Variants in NBPF9 observed in about 807,000 individuals in gnomAD.
NBPF9 encodes the protein NBPF member 9.
A neutral mutation model predicts 97.8 loss-of-function variants in NBPF9; 91 were observed. The ratio of observed to expected loss-of-function variants is 0.93; its 90% CI spans 0.79 to 1.11. The LOEUF (loss-of-function observed/expected upper bound fraction) is 1.11. Among genes scored for constraint, NBPF9 ranks in the 50% least tolerant of loss-of-function variants. NBPF9 has a pLI of 0.00. For missense variants in NBPF9, 992 were observed against 939.5 expected (o/e 1.06, Z -0.73); for synonymous variants, 334 against 359.5 (o/e 0.93, Z 0.80).
chr1:149,063,752 A>T (rs1364877802), exon 20 of NBPF9: 7 of 607,362 alleles, frequency 1.2e-5, no homozygotes, highest in East Asian at 5.7e-5. Context: ...ACATCTATCC[A>T]GTGAGTCCTG....
chr1:149,059,960 T>C, intron 24 of NBPF9, 152 bp from the exon 25 acceptor site: 2 of 422,998 alleles, frequency 4.7e-6, no homozygotes, highest in South Asian at 2.8e-5. Flanking sequence ...TGAAGGCTGG[T>C]TATGATAGAA....
In NBPF9 at chr1:149,071,321, G is replaced by T. The variant is rs587694136; in HGVS notation, c.1380-182C>A. Among the ~76,000 whole-genome samples, 6 of 151,768 alleles carry T rather than the reference G, an allele frequency of 4.0e-5. No individual in the cohort carries two copies. In the South Asian group the frequency reaches 1.3e-3, roughly 32 times the overall value. On this transcript the variant is annotated intron_variant, in intron 15 of 29. Transcript: ENST00000584027. ...TCTGCAACAGACCATGGCTGCCATG[G>T]GAACCAGAGAGGAAGAGAGCAGCTG...
intron 12 of NBPF9, among the ~76,000 whole-genome samples, chr1:149,075,286 CACTAGTCTCAG>C (rs2079759783): frequency 6.6e-6 from 1 of 152,264 alleles, no homozygotes; most frequent in African/African-American, 2.4e-5. Flanking sequence ...AATAAAAGTT[CACTAGTCTCAG>C]ACATTTAGAA....
chr1:149,075,026 G>A (rs587631017), intron 12 of NBPF9, among the ~76,000 whole-genome samples: 1 of 151,198 alleles, frequency 6.6e-6, no homozygotes, highest in Admixed American at 6.6e-5. Flanking sequence ...TGCCCAGGCT[G>A]GTCTCAAACT....
At chr1:149,089,603 T>C (rs1450387037) in intron 5 of NBPF9, among the ~76,000 whole-genome samples, 9 of 152,414 alleles carry the variant, frequency 5.9e-5, no homozygotes, top group Admixed American at 4.6e-4. Flanking sequence ...GGGGATGTTA[T>C]GGGGAAACAA....
chr1:149,077,778 A>T lies in NBPF9; in HGVS notation c.566+105T>A. Reference sequence around the variant, plus strand: ...GGTTCAATTTCACATACTGTGGCCAAGGGGATGCGGGCTTTTGGCCCACCA... The same window carrying T: ...GGTTCAATTTCACATACTGTGGCCATGGGGATGCGGGCTTTTGGCCCACCA... On this transcript the variant is annotated intron_variant, in intron 10 of 29. Transcript: ENST00000584027. The T allele has an allele frequency of 3.3e-6, 5 of 1,510,738 alleles. No individual in the cohort carries two copies. In the East Asian group the frequency reaches 1.1e-4, roughly 34 times the overall value. 93.6% of individuals were successfully genotyped at this position (1,510,738 alleles called of 1,614,324 possible). A position where few individuals can be genotyped will look rare whatever the true frequency, so the allele number is the denominator to read the frequency against.
chr1:149,064,798 G>T lies in NBPF9; in HGVS notation c.1802-316C>A, dbSNP rs2078923585. 3 of 579,072 alleles carry T rather than the reference G, an allele frequency of 5.2e-6. 1 individual carries two copies. The South Asian group carries it at 6.3e-5, about 12-fold the overall frequency. The allele number at this position is 579,072 out of a possible 1,614,324, so 35.9% of individuals were successfully genotyped here. A position where few individuals can be genotyped will look rare whatever the true frequency, so the allele number is the denominator to read the frequency against. ...CAAATAGTTCTAACACCTCATAGGA[G>T]AGATACTTCAATATTAAGCTTTCTC... On this transcript the variant is annotated intron_variant, in intron 18 of 29. Coordinates refer to ENST00000584027, the Ensembl canonical transcript of NBPF9.
chr1:149,072,690 G>C (rs1344429364), intron 14 of NBPF9, 28 bp downstream of exon 14: 6 of 1,611,162 alleles, frequency 3.7e-6, no homozygotes, highest in South Asian at 2.2e-5. Context: ...CTGGGGTTTT[G>C]GGTCAACAGG....
chr1:149,076,888 C>A (rs2079921439), intron 11 of NBPF9, among the ~76,000 whole-genome samples: 1 of 151,614 alleles, frequency 6.6e-6, no homozygotes, highest in South Asian at 2.1e-4. Context: ...GTGGGAGGAT[C>A]ATCTCAGCCC....
At chr1:149,062,827 C>T (rs1575825783) in intron 21 of NBPF9, 35 bp downstream of exon 21, 2 of 673,692 alleles carry the variant, frequency 3.0e-6, no homozygotes, top group Non-Finnish European at 5.3e-6. Flanking sequence ...CAGGTGTCAA[C>T]ACAGAATTAA....
At chr1:149,055,853 C>A (rs1383006725) in exon 30 of NBPF9, 1 of 1,606,642 alleles carries the variant, frequency 6.2e-7, no homozygotes, top group African/African-American at 1.3e-5. Context: ...TCCAGTGAGT[C>A]CTGCAAGACT....
At chr1:149,068,003 A>C (rs7547917) in intron 17 of NBPF9, among the ~76,000 whole-genome samples, 8 of 145,956 alleles carry the variant, frequency 5.5e-5, no homozygotes, top group Admixed American at 2.0e-4. Flanking sequence ...ATTTTCAACC[A>C]AGAATTTCAT....
At chr1:149,064,182 C>G (rs1378595436) in intron 19 of NBPF9, among the ~76,000 whole-genome samples, 2 of 139,324 alleles carry the variant, frequency 1.4e-5, no homozygotes, top group African/African-American at 5.7e-5. Context: ...CTCAAGTTTC[C>G]CTGCAGTTAC....
Position 149,075,809 on chromosome 1 carries a change from AG to A in NBPF9, c.833del (p.Pro278LeufsTer9). ...TCATCTCTGCCTTCTCGCTGGACAA[AG>A]GGCCGGCTGATACCACCATGCTGAC... On this transcript the variant is annotated frameshift_variant, in exon 12 of 30. Transcript: ENST00000584027. LOFTEE classifies it high-confidence loss of function. 1 of 1,566,012 alleles carries A rather than the reference AG, an allele frequency of 6.4e-7. No individual in the cohort carries two copies. Among genetic ancestry groups the A allele is most frequent in the Non-Finnish European group, 8.8e-7 (1 of 1,138,354 alleles).
chr1:149,079,674 T>G (rs1336406251), intron 8 of NBPF9, among the ~76,000 whole-genome samples: 1 of 151,064 alleles, frequency 6.6e-6, no homozygotes, highest in Non-Finnish European at 1.5e-5. Flanking sequence ...GCAACATTGA[T>G]TGAGTGAAAG....
At chr1:149,055,925 A>G (rs1477256608) in intron 29 of NBPF9, 26 bp from the exon 30 acceptor site, 3 of 1,611,760 alleles carry the variant, frequency 1.9e-6, no homozygotes, top group Admixed American at 1.7e-5. Flanking sequence ...AAACTAAAGA[A>G]GCAGCCAGGG....
rs2079527481 is a variant in NBPF9, at chr1:149,072,846, G to T, written c.1178C>A (p.Ser393Ter). The change falls in exon 14 of 30, where the codon TCA becomes TAA. Residue 393 changes from serine (S) to a stop codon, truncating the protein, a stop_gained. Transcript: ENST00000584027. LOFTEE classifies it high-confidence loss of function. ...GAGGGCCTGGAGATGCTCATTCAAT[G>T]AGCGGGAGGCATCTCTCCCTTCCCG... The T allele has an allele frequency of 8.1e-6, 13 of 1,603,640 alleles. 2 individuals carry two copies. The African/African-American group carries it at 1.6e-4, about 20-fold the overall frequency.
chr1:149,072,159 T>A (rs1553653076), intron 14 of NBPF9, among the ~76,000 whole-genome samples: 1 of 151,018 alleles, frequency 6.6e-6, no homozygotes, highest in Admixed American at 6.6e-5. Context: ...AGTGCTCCAG[T>A]CTGAAGCACT....
At chr1:149,056,155 A>G (rs587742349) in intron 29 of NBPF9, among the ~76,000 whole-genome samples, 14 of 151,256 alleles carry the variant, frequency 9.3e-5, no homozygotes, top group African/African-American at 2.9e-4. Context: ...TGGCCAGGTG[A>G]CATACTGGTA....
Sources: allele counts gnomAD v4.1 joint callset (sites outside exome capture counted in the v4.1 genomes callset), GRCh38; gene constraint gnomAD v4.1.1; transcripts MANE v1.5; gene names NCBI Gene and HGNC (gene_info 2026-07-23, HGNC 2026-07-21).